The following CAMK2B variants were observed in gnomAD, a reference collection of about 807,000 sequenced individuals.
CAMK2B encodes the protein calcium/calmodulin dependent protein kinase II beta.
Under a neutral mutation model 93.7 loss-of-function variants are expected in CAMK2B, and 27 were observed. The observed-to-expected ratio is 0.29, with a 90% CI of 0.21 to 0.40. The LOEUF (loss-of-function observed/expected upper bound fraction) is 0.40, where lower values mean the gene tolerates loss of function less well. Among genes scored for constraint, CAMK2B ranks in the 10% least tolerant of loss-of-function variants. The pLI is 1.00. For synonymous variants in CAMK2B, 374 were observed against 358.8 expected (o/e 1.04, Z -0.48); for missense variants, 568 against 895.8 (o/e 0.63, Z 4.67).
rs529139625 is a variant in CAMK2B at position 44,221,352 on chromosome 7, T to C, written c.1598-451A>G. Among the ~76,000 whole-genome samples the C allele has an allele frequency of 9.5e-4, 145 of 152,308 alleles. 1 individual carries two copies. Among genetic ancestry groups the C allele is most frequent in the African/African-American group, 3.2e-3 (135 of 41,580 alleles). On this transcript the variant is annotated intron_variant, in intron 20 of 23. Coordinates refer to ENST00000395749, the MANE Select transcript of CAMK2B (RefSeq NM_001220.5). ...ACTCTCCTCCCGAGCCTTGGGTTCT[T>C]AGTGCTTCCTTCACCCAGCAGCTCT...
Position 44,243,342 on chromosome 7 carries a change from A to G in CAMK2B, c.518-9T>C. 6.2e-7 allele frequency: 1 copy of G among 1,613,668 alleles called. No individual in the cohort carries two copies. Among genetic ancestry groups the G allele is most frequent in the African/African-American group, 1.3e-5 (1 of 75,012 alleles). On this transcript the variant is annotated splice_polypyrimidine_tract_variant and intron_variant, in intron 7 of 23. Transcript: ENST00000395749. ...TGGTGTGCCAGCGAAACCTAGAGAG[A>G]GGGGAAGAGGCCACAAGGGGCTGTC...
chr7:44,244,981 C>T (rs1044950146), intron 6 of CAMK2B: 5 of 455,774 alleles, frequency 1.1e-5, no homozygotes, highest in Non-Finnish European at 1.8e-5. Flanking sequence ...ATTTTGCCAA[C>T]GTGAGTGGGT....
At chr7:44,222,278 G>A (rs1562772650) in intron 20 of CAMK2B, among the ~76,000 whole-genome samples, 1 of 152,126 alleles carries the variant, frequency 6.6e-6, no homozygotes, top group African/African-American at 2.4e-5. Context: ...GCTGCAGGCC[G>A]CACCTGGGAC....
intron 1 of CAMK2B, among the ~76,000 whole-genome samples, chr7:44,284,826 G>C (rs1228182615): frequency 3.9e-5 from 6 of 152,204 alleles, no homozygotes; most frequent in African/African-American, 1.4e-4. Context: ...GGAGGAGAGG[G>C]TCCTGAGAGC....
chr7:44,228,594 T>A (rs1014213711), intron 19 of CAMK2B, among the ~76,000 whole-genome samples: 1 of 151,992 alleles, frequency 6.6e-6, no homozygotes, highest in Admixed American at 6.6e-5. Flanking sequence ...TGGAGGGGTC[T>A]GGGCCCCTTA....
intron 2 of CAMK2B, among the ~76,000 whole-genome samples, chr7:44,273,109 G>A (rs2096990354): frequency 6.6e-6 from 1 of 152,188 alleles, no homozygotes; most frequent in South Asian, 2.1e-4. Context: ...TCCCCACAAG[G>A]ACTGGGCACA....
At chr7:44,234,769 C>T in intron 13 of CAMK2B, 93 bp from the exon 14 acceptor site, 1 of 1,377,598 alleles carries the variant, frequency 7.3e-7, no homozygotes, top group East Asian at 2.4e-5. Flanking sequence ...CACTCTTTCC[C>T]CAGGAGCAAG....
At chr7:44,253,896 C>CTACCATACACAT (rs2096804914) in intron 5 of CAMK2B, among the ~76,000 whole-genome samples, 1 of 149,584 alleles carries the variant, frequency 6.7e-6, no homozygotes, top group East Asian at 1.9e-4. Flanking sequence ...CCATGCCTGG[C>CTACCATACACAT]CTCAGTTTTT....
At chr7:44,238,450 C>T (rs951445003) in intron 13 of CAMK2B, among the ~76,000 whole-genome samples, 7 of 152,192 alleles carry the variant, frequency 4.6e-5, no homozygotes, top group East Asian at 1.9e-4. Flanking sequence ...AGCCCCCTCC[C>T]GCCTGCGCTC....
chr7:44,265,201 C>A (rs1418708238), intron 2 of CAMK2B, among the ~76,000 whole-genome samples: 2 of 152,362 alleles, frequency 1.3e-5, no homozygotes, highest in South Asian at 4.1e-4. Flanking sequence ...ATAACACACT[C>A]GCTTCTTCTG....
intron 1 of CAMK2B, among the ~76,000 whole-genome samples, chr7:44,319,115 G>A (rs1795465544): frequency 6.6e-6 from 1 of 152,160 alleles, no homozygotes; most frequent in Admixed American, 6.5e-5. Flanking sequence ...CACTAACAAA[G>A]TGACTTGCAG....
chr7:44,220,980 C>A, intron 20 of CAMK2B, 79 bp from the exon 21 acceptor site: 1 of 1,224,598 alleles, frequency 8.2e-7, no homozygotes, highest in Non-Finnish European at 1.2e-6. Context: ...CAGGGGAGGG[C>A]CTGGGGGAGC....
Position 44,239,609 on chromosome 7 carries a change from G to A in CAMK2B, c.1001C>T (p.Thr334Ile). 1.3e-6 allele frequency: 2 copies of A among 1,550,266 alleles called. No individual in the cohort carries two copies. Among genetic ancestry groups the A allele is most frequent in the Non-Finnish European group, 1.7e-6 (2 of 1,146,848 alleles). ...TCTACCTTGTTCCACCAGCCCCATG[G>A]TGGTGCCGGAGGCCGCGGTGGACAT... ...ATMSTAASGT[T>I]MGLVEQAKSL... The change falls in exon 13 of 24, where the codon ACC (threonine) becomes ATC (isoleucine). Residue 334 changes from threonine to isoleucine, a missense_variant. This residue lies in a region of CAMK2B where 308 missense variants were observed against 292.1 expected (regional missense o/e 1.05). Coordinates refer to ENST00000395749, the MANE Select transcript of CAMK2B (RefSeq NM_001220.5).
Position 44,294,017 on chromosome 7 carries a change from A to T in CAMK2B, c.66-9792T>A, listed in dbSNP as rs569003611. Among the ~76,000 whole-genome samples, 439 of 152,282 alleles carry T rather than the reference A, an allele frequency of 2.9e-3. 1 individual carries two copies. The highest frequency in any genetic ancestry group is 9.8e-3 in the African/African-American group (409 of 41,552). On this transcript the variant is annotated intron_variant, in intron 1 of 23. Transcript: ENST00000395749. Reference sequence around the variant, plus strand: ...CAAGGCAAGAATGCCAACGGCAGCAAGGCAGTGGGCAGCAATCTGAGGTCG... The same window carrying T: ...CAAGGCAAGAATGCCAACGGCAGCATGGCAGTGGGCAGCAATCTGAGGTCG...
chr7:44,293,704 T>C (rs1440322203), intron 1 of CAMK2B, among the ~76,000 whole-genome samples: 1 of 152,228 alleles, frequency 6.6e-6, no homozygotes, highest in Non-Finnish European at 1.5e-5. Flanking sequence ...TTCGTGCTCC[T>C]ATGAGAATCT....
At chr7:44,299,487 T>C (rs1462847963) in intron 1 of CAMK2B, among the ~76,000 whole-genome samples, 1 of 152,222 alleles carries the variant, frequency 6.6e-6, no homozygotes, top group East Asian at 1.9e-4. Context: ...TGAATATACA[T>C]AATGTTACTG....
At chr7:44,244,265 C>T (rs1358894402) in intron 6 of CAMK2B, among the ~76,000 whole-genome samples, 2 of 152,204 alleles carry the variant, frequency 1.3e-5, no homozygotes, top group Non-Finnish European at 2.9e-5. Flanking sequence ...TTGCTCAAGC[C>T]AGAAGGACAT....
intron 1 of CAMK2B, among the ~76,000 whole-genome samples, chr7:44,319,722 A>G (rs1188878773): frequency 6.6e-6 from 1 of 152,208 alleles, no homozygotes; most frequent in East Asian, 1.9e-4. Context: ...TATATATCCC[A>G]TCACACTTGC....
At chr7:44,228,186 G>A (rs537599388) in intron 19 of CAMK2B, among the ~76,000 whole-genome samples, 31 of 152,092 alleles carry the variant, frequency 2.0e-4, no homozygotes, top group Admixed American at 1.4e-3. Context: ...AGTCACGGGC[G>A]TTACAGAGGA....
Sources: allele counts gnomAD v4.1 joint callset (sites outside exome capture counted in the v4.1 genomes callset), GRCh38; gene constraint gnomAD v4.1.1; regional missense constraint gnomAD v4.1.1; transcripts MANE v1.5; gene names NCBI Gene and HGNC (gene_info 2026-07-23, HGNC 2026-07-21).